The following DPP10 variants were observed in gnomAD, a reference collection of about 807,000 sequenced individuals.
DPP10 encodes inactive dipeptidyl peptidase 10.
Under a neutral mutation model 120.9 loss-of-function variants are expected in DPP10, and 33 were observed. The observed-to-expected ratio is 0.27, with a 90% CI of 0.21 to 0.37. The LOEUF is 0.37. Among genes scored for constraint, DPP10 ranks in the 10% least tolerant of loss-of-function variants. DPP10 has a pLI of 1.00. For missense variants in DPP10, 816 were observed against 942.8 expected (o/e 0.87, Z 1.76); for synonymous variants, 337 against 326.1 (o/e 1.03, Z -0.36).
intron 1 of DPP10, among the ~76,000 whole-genome samples, chr2:114,558,730 T>G (rs146785176): frequency 1.4e-3 from 218 of 152,380 alleles, no homozygotes; most frequent in African/African-American, 5.0e-3. Flanking sequence ...ATTATATGTT[T>G]AAATATTAAT....
intron 3 of DPP10, among the ~76,000 whole-genome samples, chr2:115,426,739 A>G (rs1413274970): frequency 6.6e-6 from 1 of 152,290 alleles, no homozygotes; most frequent in East Asian, 1.9e-4. Flanking sequence ...CAAACATCCA[A>G]ACTACATCAT....
At chr2:115,674,343 T>C (rs993795947) in intron 5 of DPP10, among the ~76,000 whole-genome samples, 6 of 151,062 alleles carry the variant, frequency 4.0e-5, no homozygotes, top group Admixed American at 1.3e-4. Context: ...CAAGCACAAG[T>C]GGGCACAGAA....
chr2:115,253,295 T>TC (rs1224271844), intron 1 of DPP10, among the ~76,000 whole-genome samples: 22 of 152,158 alleles, frequency 1.4e-4, no homozygotes, highest in Admixed American at 1.4e-3. Flanking sequence ...GGGGATTACA[T>TC]CTGCACATGA....
intron 1 of DPP10, among the ~76,000 whole-genome samples, chr2:114,771,822 T>C (rs768738546): frequency 2.6e-5 from 4 of 152,156 alleles, no homozygotes; most frequent in Admixed American, 6.5e-5. Context: ...TCTTAAAAAG[T>C]ATAGGAGTCC....
At chr2:114,961,033 C>CTTTTTTTTTTT (rs772146022) in intron 1 of DPP10, among the ~76,000 whole-genome samples, 6 of 52,028 alleles carry the variant, frequency 1.2e-4, no homozygotes, top group African/African-American at 4.5e-4. Context: ...CTCTATACGC[C>CTTTTTTTTTTT]TTTTTTTTTT....
At chr2:114,597,566 TG>T (rs1692018036) in intron 1 of DPP10, among the ~76,000 whole-genome samples, 1 of 152,004 alleles carries the variant, frequency 6.6e-6, no homozygotes, top group African/African-American at 2.4e-5. Flanking sequence ...TATTTTAAAA[TG>T]GTAAAGATCT....
chr2:115,687,542 A>C (rs1296782887), intron 5 of DPP10, among the ~76,000 whole-genome samples: 1 of 148,344 alleles, frequency 6.7e-6, no homozygotes, highest in Non-Finnish European at 1.5e-5. Context: ...GATGAGGCCC[A>C]AGCCTATATG....
chr2:115,499,902 C>A (rs1166126926), intron 4 of DPP10, among the ~76,000 whole-genome samples: 2 of 151,884 alleles, frequency 1.3e-5, no homozygotes, highest in African/African-American at 2.4e-5. Flanking sequence ...CATACAAATA[C>A]CAAGGTTAAA....
chr2:114,767,079 G>A (rs562705046), intron 1 of DPP10, among the ~76,000 whole-genome samples: 130 of 144,492 alleles, frequency 9.0e-4, no homozygotes, highest in Non-Finnish European at 1.4e-3. Context: ...AACTTCCCAT[G>A]GATCTAAAAC....
In DPP10 at chr2:115,814,970, C is replaced by T. The variant is rs1356596436; in HGVS notation, c.1878C>T (p.Asp626=). ...GATTAGGTTCAGTAGAAGTAAAGGA[C>T]CAAATAACAGCTGTGAAGTAAGTGG... is the stretch of plus-strand genomic sequence containing the variant. ...HRRLGSVEVK[D]QITAVKFLLK... Residue 626 remains aspartate, a synonymous_variant, in exon 20 of 26, where the codon GAC becomes GAT. Coordinates refer to ENST00000410059, the MANE Select transcript of DPP10 (RefSeq NM_020868.6). The T allele has an allele frequency of 1.2e-6, 2 of 1,605,310 alleles. No individual in the cohort carries two copies. Among genetic ancestry groups the T allele is most frequent in the South Asian group, 1.1e-5 (1 of 90,152 alleles).
intron 1 of DPP10, among the ~76,000 whole-genome samples, chr2:114,469,430 A>C (rs1212762974): frequency 6.6e-6 from 1 of 152,198 alleles, no homozygotes; most frequent in Non-Finnish European, 1.5e-5. Flanking sequence ...AAGTTTTTAA[A>C]AAATATATAT....
chr2:114,843,415 C>T (rs1053043501), intron 1 of DPP10, among the ~76,000 whole-genome samples: 1 of 152,106 alleles, frequency 6.6e-6, no homozygotes, highest in African/African-American at 2.4e-5. Context: ...TCTTTGGCTC[C>T]ACACCTTCCT....
At chr2:115,559,563 A>G (rs2080436813) in intron 5 of DPP10, among the ~76,000 whole-genome samples, 1 of 152,144 alleles carries the variant, frequency 6.6e-6, no homozygotes, top group Admixed American at 6.6e-5. Flanking sequence ...CTAGGATAAT[A>G]TTAATAATAT....
chr2:115,330,858 A>G (rs1015720633), intron 2 of DPP10, among the ~76,000 whole-genome samples: 1 of 152,096 alleles, frequency 6.6e-6, no homozygotes, highest in South Asian at 2.1e-4. Flanking sequence ...GTCTGGTAGC[A>G]TGATGCCTCC....
intron 3 of DPP10, among the ~76,000 whole-genome samples, chr2:115,478,395 T>TAAA (rs1403434996): frequency 6.6e-6 from 1 of 152,200 alleles, no homozygotes; most frequent in Non-Finnish European, 1.5e-5. Flanking sequence ...AAATGATGTT[T>TAAA]AAAAACTAGT....
chr2:114,484,446 T>C (rs114105015), intron 1 of DPP10, among the ~76,000 whole-genome samples: 2,999 of 152,274 alleles, frequency 0.02, 102 homozygotes, highest in African/African-American at 0.068. Flanking sequence ...ATTATTTTAA[T>C]TTTTGAGGTC....
At chr2:115,680,980 T>C (rs2090611887) in intron 5 of DPP10, among the ~76,000 whole-genome samples, 1 of 151,934 alleles carries the variant, frequency 6.6e-6, no homozygotes, top group Admixed American at 6.6e-5. Context: ...ACTACAGGTC[T>C]AAATGATTTG....
chr2:115,383,745 A>T (rs1355993913), intron 3 of DPP10, among the ~76,000 whole-genome samples: 1 of 152,104 alleles, frequency 6.6e-6, no homozygotes, highest in African/African-American at 2.4e-5. Context: ...TAATAATTTG[A>T]TTTTTAATGT....
intron 1 of DPP10, among the ~76,000 whole-genome samples, chr2:114,762,938 A>C (rs144968274): frequency 9.0e-4 from 137 of 152,318 alleles, no homozygotes; most frequent in African/African-American, 3.2e-3. Flanking sequence ...AATAGTCAAT[A>C]AAATATGGTC....
Sources: allele counts gnomAD v4.1 joint callset (sites outside exome capture counted in the v4.1 genomes callset), GRCh38; gene constraint gnomAD v4.1.1; transcripts MANE v1.5; gene names NCBI Gene and HGNC (gene_info 2026-07-23, HGNC 2026-07-21).